Variants in HIP1 observed in about 807,000 individuals in gnomAD.
HIP1 encodes the protein huntingtin interacting protein 1, also known as huntingtin-interacting protein 1.
Under a neutral mutation model 147.6 loss-of-function variants are expected in HIP1, and 65 were observed. The ratio of observed to expected loss-of-function variants is 0.44; its 90% CI spans 0.36 to 0.54. The LOEUF (loss-of-function observed/expected upper bound fraction) is 0.54, where lower values mean the gene tolerates loss of function less well. Among genes scored for constraint, HIP1 ranks in the 20% least tolerant of loss-of-function variants. The pLI, the probability that HIP1 is intolerant of heterozygous loss-of-function variation, is 0.00. For missense variants in HIP1, 1,061 were observed against 1,299.6 expected (o/e 0.82, Z 2.82); for synonymous variants, 479 against 504.0 (o/e 0.95, Z 0.67).
Position 75,547,045 on chromosome 7 carries a change from C to G in HIP1, c.2466-13G>C. The G allele has an allele frequency of 6.4e-7, 1 of 1,564,396 alleles. No individual in the cohort carries two copies. Among genetic ancestry groups the G allele is most frequent in the Non-Finnish European group, 8.7e-7 (1 of 1,151,100 alleles). On this transcript the variant is annotated splice_polypyrimidine_tract_variant and intron_variant, in intron 24 of 30. Transcript: ENST00000336926. ...GCAACCAAGGATCCTGCCAAACAAA[C>G]AAGTCGAGGATACACTGAGATCAAG...
intron 1 of HIP1, among the ~76,000 whole-genome samples, chr7:75,715,924 T>C (rs986215508): frequency 2.0e-5 from 3 of 151,162 alleles, no homozygotes; most frequent in African/African-American, 7.3e-5. Flanking sequence ...GGAAGGGGAA[T>C]CAGGCGTGTC....
intron 1 of HIP1, among the ~76,000 whole-genome samples, chr7:75,636,925 C>T (rs988310176): frequency 6.6e-6 from 1 of 152,154 alleles, no homozygotes; most frequent in Non-Finnish European, 1.5e-5. Flanking sequence ...CAAATGTCTT[C>T]AGCCTCACCC....
chr7:75,639,562 CGTGTGTGTGTGTGTGTGTGTGT>C (rs57827695), intron 1 of HIP1, among the ~76,000 whole-genome samples: 1 of 137,398 alleles, frequency 7.3e-6, no homozygotes, highest in Non-Finnish European at 1.6e-5. Context: ...CGCCAGGAAG[CGTGTGTGTGTGTGTGTGTGTGT>C]GTGTGTGTGC....
Position 75,651,460 on chromosome 7 carries a change from CAAAAAAAAAAAAAAAAAAA to C in HIP1, c.121-52232_121-52214del, listed in dbSNP as rs1168846001. Among the ~76,000 whole-genome samples the C allele has an allele frequency of 4.3e-4, 19 of 44,102 alleles. 1 individual carries two copies. Among genetic ancestry groups the C allele is most frequent in the Admixed American group, 3.6e-3 (10 of 2,754 alleles). 28.9% of individuals were successfully genotyped at this position (44,102 alleles called of 152,430 possible). ...GGTTACAGAGTGAGACTCCATATCTCAAAAAAAAAAAAAAAAAAAAAAAAAAAAAAAGAAGGATTCTCCA... is the reference window on the plus strand; with the variant it reads ...GGTTACAGAGTGAGACTCCATATCTCAAAAAAAAAAAAGAAGGATTCTCCA... On this transcript the variant is annotated intron_variant, in intron 1 of 30. Transcript: ENST00000336926.
rs781825275 is a variant in HIP1, at chr7:75,559,925, G to A, written c.1192-10C>T. ...GCACAACCCGCTGGCTCTGTGGGGG[G>A]ACTCCGGTCATGAGGCCAACCGCCC... On this transcript the variant is annotated splice_polypyrimidine_tract_variant and intron_variant, in intron 13 of 30. Transcript: ENST00000336926. The A allele has an allele frequency of 1.3e-5, 20 of 1,587,640 alleles. No individual in the cohort carries two copies. The East Asian group carries it at 1.3e-4, about 11-fold the overall frequency.
chr7:75,690,863 CA>C (rs797038591), intron 1 of HIP1, among the ~76,000 whole-genome samples: 11 of 148,310 alleles, frequency 7.4e-5, no homozygotes, highest in African/African-American at 2.2e-4. Context: ...AACTCCATCT[CA>C]AAAAAAAAAG....
chr7:75,602,535 G>A (rs1255616645), intron 1 of HIP1, among the ~76,000 whole-genome samples: 3 of 108,916 alleles, frequency 2.8e-5, no homozygotes, highest in African/African-American at 3.8e-5. Flanking sequence ...ACGGAGTCTC[G>A]CTCTGTCACC....
intron 1 of HIP1, among the ~76,000 whole-genome samples, chr7:75,602,448 ACACTGCC>A (rs1797032801): frequency 6.8e-6 from 1 of 146,990 alleles, no homozygotes; most frequent in Admixed American, 6.9e-5. Flanking sequence ...CTATAGCTGC[ACACTGCC>A]ACATCCAGCT....
chr7:75,581,395 G>A (rs1584828402), intron 6 of HIP1, 97 bp from the exon 7 acceptor site: 2 of 850,646 alleles, frequency 2.4e-6, no homozygotes, highest in Non-Finnish European at 3.9e-6. Flanking sequence ...AGTCTCCAAT[G>A]CTCATGTGCA....
intron 1 of HIP1, among the ~76,000 whole-genome samples, chr7:75,658,179 C>CA (rs1440704802): frequency 6.6e-6 from 1 of 152,140 alleles, no homozygotes; most frequent in East Asian, 1.9e-4. Flanking sequence ...CTGCAGCCTT[C>CA]ACCTCCCGAC....
Position 75,663,956 on chromosome 7 carries a change from A to G in HIP1, c.121-64709T>C, listed in dbSNP as rs370364200. Among the ~76,000 whole-genome samples the G allele has an allele frequency of 6.5e-4, 48 of 73,476 alleles. 4 individuals are homozygous for G. Among genetic ancestry groups the G allele is most frequent in the African/African-American group, 2.4e-3 (38 of 15,868 alleles). 48.2% of individuals were successfully genotyped at this position (73,476 alleles called of 152,430 possible). On this transcript the variant is annotated intron_variant, in intron 1 of 30. Transcript: ENST00000336926. Reference sequence around the variant, plus strand: ...TGTGTATATATATATATACACATATATGTGTATATATATATACACATATAT... The same window carrying G: ...TGTGTATATATATATATACACATATGTGTGTATATATATATACACATATAT...
intron 1 of HIP1, among the ~76,000 whole-genome samples, chr7:75,684,008 G>T (rs1426104566): frequency 7.2e-5 from 11 of 151,974 alleles, no homozygotes; most frequent in Admixed American, 7.2e-4. Flanking sequence ...TCTTGGCCAG[G>T]CATGGTGGCT....
At chr7:75,700,851 A>G (rs947524259) in intron 1 of HIP1, among the ~76,000 whole-genome samples, 1 of 151,704 alleles carries the variant, frequency 6.6e-6, no homozygotes, top group Non-Finnish European at 1.5e-5. Context: ...GACTACAGGC[A>G]CCCGCCACCA....
At chr7:75,562,755 CATTTATGACCCTT>C (rs1209300493) in intron 11 of HIP1, among the ~76,000 whole-genome samples, 167 bp downstream of exon 11, 1 of 152,204 alleles carries the variant, frequency 6.6e-6, no homozygotes, top group Non-Finnish European at 1.5e-5. Flanking sequence ...CCACTGCACC[CATTTATGACCCTT>C]CTGGGAGCCA....
At chr7:75,584,634 T>C (rs1407174307) in intron 5 of HIP1, among the ~76,000 whole-genome samples, 1 of 152,076 alleles carries the variant, frequency 6.6e-6, no homozygotes, top group Non-Finnish European at 1.5e-5. Context: ...CACCAGCTGC[T>C]TCTGATGCCA....
At chr7:75,652,791 A>G (rs1271288584) in intron 1 of HIP1, among the ~76,000 whole-genome samples, 1 of 152,216 alleles carries the variant, frequency 6.6e-6, no homozygotes, top group Non-Finnish European at 1.5e-5. Flanking sequence ...ATAGAAAGTC[A>G]TATTCACAAT....
chr7:75,618,513 C>G lies in HIP1; in HGVS notation c.121-19266G>C, dbSNP rs587744052. Reference sequence around the variant, plus strand: ...TGTTGGCCAGGCTGGTCTTGAACTCCTGACCCCAGGTGACCTGCCCTCCTC... The same window carrying G: ...TGTTGGCCAGGCTGGTCTTGAACTCGTGACCCCAGGTGACCTGCCCTCCTC... On this transcript the variant is annotated intron_variant, in intron 1 of 30. Coordinates refer to ENST00000336926, the MANE Select transcript of HIP1 (RefSeq NM_005338.7). Among the ~76,000 whole-genome samples, 4 of 152,228 alleles carry G rather than the reference C, an allele frequency of 2.6e-5. No individual in the cohort carries two copies. The East Asian group carries it at 7.7e-4, about 29-fold the overall frequency.
chr7:75,560,277 GTATCAC>G (rs1408552622), intron 13 of HIP1, among the ~76,000 whole-genome samples: 2 of 151,906 alleles, frequency 1.3e-5, no homozygotes. Context: ...GAGGGACAGG[GTATCAC>G]TATCACCTAG....
At chr7:75,627,747 C>A (rs1798093179) in intron 1 of HIP1, among the ~76,000 whole-genome samples, 1 of 152,160 alleles carries the variant, frequency 6.6e-6, no homozygotes, top group Non-Finnish European at 1.5e-5. Context: ...TTCCCTCCAA[C>A]TACTAGAAAA....
Sources: gnomAD v4.1 joint callset for allele counts (sites outside exome capture counted in the v4.1 genomes callset) on GRCh38, gnomAD v4.1.1 for gene constraint, MANE v1.5 for transcripts, NCBI Gene and HGNC (gene_info 2026-07-23, HGNC 2026-07-21) for gene names.